PIGU: variants seen among roughly 807,000 people sequenced by gnomAD.
PIGU encodes phosphatidylinositol glycan anchor biosynthesis class U.
Under a neutral mutation model 49.9 loss-of-function variants are expected in PIGU, and 24 were observed. The observed-to-expected ratio is 0.48, with a 90% CI of 0.35 to 0.68. The LOEUF (loss-of-function observed/expected upper bound fraction) is 0.68. Among genes scored for constraint, PIGU ranks in the 30% least tolerant of loss-of-function variants. The pLI, the probability that PIGU is intolerant of heterozygous loss-of-function variation, is 0.01. For synonymous variants in PIGU, 220 were observed against 205.7 expected, an observed-to-expected ratio of 1.07 and a Z score of -0.59; for missense variants, 490 against 532.6, an observed-to-expected ratio of 0.92 and a Z score of 0.79.
intron 6 of PIGU, among the ~76,000 whole-genome samples, chr20:34,623,418 C>T (rs1323937578): frequency 6.6e-6 from 1 of 152,158 alleles, no homozygotes; most frequent in Non-Finnish European, 1.5e-5. Context: ...TCTGTTCCAG[C>T]CATGACTGTA....
At chr20:34,622,744 C>T (rs1052694575) in intron 6 of PIGU, among the ~76,000 whole-genome samples, 2 of 152,090 alleles carry the variant, frequency 1.3e-5, no homozygotes, top group African/African-American at 4.8e-5. Flanking sequence ...AAGAGTTTTA[C>T]CCCAAAATGA....
chr20:34,642,354 C>G (rs930755942), intron 4 of PIGU, among the ~76,000 whole-genome samples: 24 of 152,074 alleles, frequency 1.6e-4, no homozygotes, highest in Non-Finnish European at 2.5e-4. Context: ...GGCCTACAGG[C>G]ACATACCACC....
At chr20:34,675,821 G>A (rs1392660364) in intron 1 of PIGU, among the ~76,000 whole-genome samples, 1 of 151,972 alleles carries the variant, frequency 6.6e-6, no homozygotes, top group East Asian at 1.9e-4. Flanking sequence ...ACCAGCCTGG[G>A]CAACATAGAA....
chr20:34,607,034 C>T (rs1984640867), intron 7 of PIGU, among the ~76,000 whole-genome samples: 1 of 152,244 alleles, frequency 6.6e-6, no homozygotes, highest in Admixed American at 6.5e-5. Flanking sequence ...GTTGGGATTA[C>T]AGGCGTGAGC....
At chr20:34,653,584 G>T (rs147213595) in intron 2 of PIGU, among the ~76,000 whole-genome samples, 1 of 152,182 alleles carries the variant, frequency 6.6e-6, no homozygotes, top group East Asian at 1.9e-4. Flanking sequence ...ACTGTGTCTT[G>T]TTTTGTATCC....
At chr20:34,594,124 C>T (rs1984100783) in intron 7 of PIGU, among the ~76,000 whole-genome samples, 1 of 152,162 alleles carries the variant, frequency 6.6e-6, no homozygotes, top group Admixed American at 6.5e-5. Flanking sequence ...CTTCAGTGAG[C>T]TGTGATCGTG....
chr20:34,674,732 G>T (rs1415530612), intron 1 of PIGU, among the ~76,000 whole-genome samples: 1 of 151,902 alleles, frequency 6.6e-6, no homozygotes, highest in Non-Finnish European at 1.5e-5. Flanking sequence ...TTTGAGACCA[G>T]CCTAAGCAAC....
intron 1 of PIGU, among the ~76,000 whole-genome samples, chr20:34,660,657 CATAAA>C (rs1172709528): frequency 1.3e-5 from 2 of 152,156 alleles, no homozygotes; most frequent in African/African-American, 4.8e-5. Flanking sequence ...CAAATGGAGA[CATAAA>C]ATAACTGGCA....
At chr20:34,649,116 C>T (rs1309981212) in intron 2 of PIGU, among the ~76,000 whole-genome samples, 3 of 152,160 alleles carry the variant, frequency 2.0e-5, no homozygotes, top group African/African-American at 7.2e-5. Flanking sequence ...ATCCGCCCGC[C>T]TTGGCCTCCC....
intron 2 of PIGU, among the ~76,000 whole-genome samples, chr20:34,651,537 C>CT (rs1986540411): frequency 6.6e-6 from 1 of 150,688 alleles, no homozygotes; most frequent in Non-Finnish European, 1.5e-5. Flanking sequence ...TTTTTTTTTC[C>CT]TTTTTTCATA....
At chr20:34,630,226 G>A (rs943877593) in intron 6 of PIGU, among the ~76,000 whole-genome samples, 1 of 151,900 alleles carries the variant, frequency 6.6e-6, no homozygotes, top group Non-Finnish European at 1.5e-5. Context: ...ACCTGCAGAA[G>A]ACCTCAGTTC....
intron 10 of PIGU, among the ~76,000 whole-genome samples, chr20:34,578,808 T>C (rs1398900779): frequency 2.0e-5 from 3 of 152,150 alleles, no homozygotes; most frequent in African/African-American, 7.2e-5. Flanking sequence ...ACGGGACAGC[T>C]TGTTCCAGGC....
chr20:34,568,177 T>A (rs916946059), intron 11 of PIGU, among the ~76,000 whole-genome samples: 2 of 152,164 alleles, frequency 1.3e-5, no homozygotes, highest in Non-Finnish European at 2.9e-5. Flanking sequence ...CTGGAGTCGC[T>A]ATAGAGTTTG....
rs548177292 is a variant in PIGU at position 34,645,758 on chromosome 20, G to A, written c.196-424C>T. Among the ~76,000 whole-genome samples the A allele has an allele frequency of 3.0e-3, 450 of 152,180 alleles. 1 individual carries two copies. The highest frequency in any genetic ancestry group is 9.6e-3 in the African/African-American group (400 of 41,508). On this transcript the variant is annotated intron_variant, in intron 2 of 11. Transcript: ENST00000217446. ...AAAAATACAAAAAAATTAGCCGGGC[G>A]TGGTGGCGGGCGCCTGTAGTCCCAA...
chr20:34,651,507 T>G (rs1986538656), intron 2 of PIGU, among the ~76,000 whole-genome samples: 1 of 152,238 alleles, frequency 6.6e-6, no homozygotes, highest in Non-Finnish European at 1.5e-5. Flanking sequence ...TACTTTCCAA[T>G]GCCTTCCAGC....
At chr20:34,649,594 C>T (rs1418171258) in intron 2 of PIGU, among the ~76,000 whole-genome samples, 1 of 150,954 alleles carries the variant, frequency 6.6e-6, no homozygotes, top group Non-Finnish European at 1.5e-5. Context: ...GATCTCGGCT[C>T]ACTGCAACTT....
chr20:34,578,885 G>A (rs1285784424), intron 10 of PIGU: 4 of 152,164 alleles, frequency 2.6e-5, no homozygotes, highest in East Asian at 3.9e-4. Context: ...TCAGACTTGC[G>A]AGGCCAGATG....
chr20:34,595,050 C>T lies in PIGU; in HGVS notation c.628-6443G>A, dbSNP rs73610858. ...GACGGAGCTTGCAGTGAGCCGAGAT[C>T]GCGCCACTGCACTCCAGCCTGGGAA... is the stretch of plus-strand genomic sequence containing the variant. On this transcript the variant is annotated intron_variant, in intron 7 of 11. Coordinates refer to ENST00000217446, the MANE Select transcript of PIGU (RefSeq NM_080476.5). Among the ~76,000 whole-genome samples, 227 of 136,396 alleles carry T rather than the reference C, an allele frequency of 1.7e-3. 1 individual carries two copies. In the East Asian group the frequency reaches 0.039, roughly 24 times the overall value. The allele number at this position is 136,396 out of a possible 152,430, so 89.5% of individuals were successfully genotyped here.
chr20:34,640,770 T>C (rs2146766947), intron 4 of PIGU, among the ~76,000 whole-genome samples: 1 of 152,290 alleles, frequency 6.6e-6, no homozygotes, highest in South Asian at 2.1e-4. Flanking sequence ...AAAATCAAAA[T>C]GTTTTAATTT....
Sources: gnomAD v4.1 joint callset for allele counts (sites outside exome capture counted in the v4.1 genomes callset) on GRCh38, gnomAD v4.1.1 for gene constraint, MANE v1.5 for transcripts, NCBI Gene and HGNC (gene_info 2026-07-23, HGNC 2026-07-21) for gene names.